Variants in STAT6 observed in about 807,000 individuals in gnomAD.
STAT6 encodes signal transducer and activator of transcription 6.
STAT6 carries 45 observed loss-of-function variants against 106.3 expected under a neutral mutation model. The observed-to-expected ratio is 0.42, with a 90% CI of 0.33 to 0.54. The LOEUF (loss-of-function observed/expected upper bound fraction) is 0.54, where lower values mean the gene tolerates loss of function less well. Among genes scored for constraint, STAT6 ranks in the 20% least tolerant of loss-of-function variants. The pLI is 0.06. For missense variants in STAT6, 797 were observed against 1,062.2 expected (o/e 0.75, Z 3.47); for synonymous variants, 413 against 413.6 (o/e 1.00, Z 0.02).
rs2033369143 is a variant in STAT6, at chr12:57,095,768, T to G, written c.*804A>C. 1 of 152,262 alleles carries G rather than the reference T, an allele frequency of 6.6e-6. No homozygotes were observed. Among genetic ancestry groups the G allele is most frequent in the African/African-American group, 2.4e-5 (1 of 41,466 alleles). The allele number at this position is 152,262 out of a possible 1,614,324, so 9.4% of individuals were successfully genotyped here. A position where few individuals can be genotyped will look rare whatever the true frequency, so the allele number is the denominator to read the frequency against. ...GGCCAGCACACTTGCTGCTGTCTTC[T>G]GTGCAGTGTCTCACCCTCCCAAATT... On this transcript the variant is annotated 3_prime_UTR_variant, in exon 22 of 22. Transcript: ENST00000300134.
rs1325025180 is a variant in STAT6 at position 57,106,464 on chromosome 12, G to A, written c.531+64C>T. On this transcript the variant is annotated intron_variant, in intron 6 of 21. Coordinates refer to ENST00000300134, the MANE Select transcript of STAT6 (RefSeq NM_003153.5). ...CTACTTCAGCCTGTGTCTTTCTGAG[G>A]TCTAGCTTCCATCCCTCCAGCTGCA... 6 of 1,610,020 alleles carry A rather than the reference G, an allele frequency of 3.7e-6. No individual in the cohort carries two copies. In the African/African-American group the frequency reaches 4.0e-5, roughly 11 times the overall value.
chr12:57,096,828 C>G lies in STAT6; in HGVS notation c.2354+22G>C, dbSNP rs576330506. 6.2e-6 allele frequency: 10 copies of G among 1,613,952 alleles called. No individual in the cohort carries two copies. The East Asian group carries it at 2.0e-4, about 32-fold the overall frequency. On this transcript the variant is annotated intron_variant, in intron 21 of 21. Coordinates refer to ENST00000300134, the MANE Select transcript of STAT6 (RefSeq NM_003153.5). ...CACTCCCCTAGATGCCACCCAGCCT[C>G]CACTCCCAAGCTGCCACTCACCAAG...
chr12:57,099,532 G>A lies in STAT6; in HGVS notation c.1745-92C>T, dbSNP rs570735756. 2.6e-6 allele frequency: 4 copies of A among 1,562,238 alleles called. No individual in the cohort carries two copies. Among genetic ancestry groups the A allele is most frequent in the Non-Finnish European group, 3.5e-6 (4 of 1,143,420 alleles). On this transcript the variant is annotated intron_variant, in intron 15 of 21. Transcript: ENST00000300134. The surrounding 1 kb of genome is among the most constrained non-coding windows in gnomAD (Gnocchi z 4.7). The stretch of plus-strand genomic sequence containing the variant: ...ATAAGACCTGTTCTCACTCCACCAA[G>A]GCAAGGGAGAGAGGACCTAGGGTGG...
chr12:57,103,074 C>T, intron 11 of STAT6, 153 bp from the exon 12 acceptor site: 2 of 549,946 alleles, frequency 3.6e-6, no homozygotes, highest in South Asian at 2.6e-5. Flanking sequence ...CAGCTCACTG[C>T]AGCCTCAGCC....
intron 13 of STAT6, among the ~76,000 whole-genome samples, chr12:57,100,682 AAGAAAGAAAGAAAGAAAG>A (rs1565684324): frequency 5.2e-4 from 35 of 66,734 alleles, no homozygotes; most frequent in African/African-American, 1.9e-3. Flanking sequence ...GAAAGAAAGA[AAGAAAGAAAGAAAGAAAG>A]AGAAAGAAAG....
At chr12:57,106,654 C>T (rs750721485) in intron 5 of STAT6, 39 bp downstream of exon 5, 5 of 1,613,456 alleles carry the variant, frequency 3.1e-6, no homozygotes, top group Non-Finnish European at 4.2e-6. Flanking sequence ...CAAGAGGCAA[C>T]CACTCCTACA....
intron 1 of STAT6, chr12:57,110,419 C>T (rs558212576): frequency 1.3e-5 from 2 of 152,248 alleles, no homozygotes; most frequent in Non-Finnish European, 2.9e-5. Flanking sequence ...GTCTGGGATC[C>T]TCGTCCGCCC....
rs1014699432 is a variant in STAT6, at chr12:57,099,897, G to T, written c.1614C>A (p.Ile538=). The T allele has an allele frequency of 1.9e-6, 3 of 1,614,142 alleles. No homozygotes were observed. Among genetic ancestry groups the T allele is most frequent in the Admixed American group, 3.3e-5 (2 of 60,014 alleles). The change falls in exon 15 of 22, where the codon ATC becomes ATA. Residue 538 remains isoleucine (I), a synonymous_variant. Coordinates refer to ENST00000300134, the MANE Select transcript of STAT6 (RefSeq NM_003153.5). This position sits in a 1 kb window ranked among gnomAD's most constrained non-coding sequence, Gnocchi z 4.7. ...CLRSYWSDRL[I]IGFISKQYVT... ...CGTACTGTTTGCTGATGAAGCCAAT[G>T]ATCAGCCTGGCCGGGATGAAGGAGA...
chr12:57,097,319 T>C, intron 19 of STAT6, 186 bp from the exon 20 acceptor site: 1 of 430,274 alleles, frequency 2.3e-6, no homozygotes. Context: ...GTTATGGGGG[T>C]GGATTAGCCA....
At chr12:57,101,820 G>A (rs1234165647) in intron 13 of STAT6, among the ~76,000 whole-genome samples, 9 of 150,534 alleles carry the variant, frequency 6.0e-5, no homozygotes, top group Non-Finnish European at 8.9e-5. Flanking sequence ...ATGTGCCACC[G>A]CAACTGGCTA....
intron 19 of STAT6, among the ~76,000 whole-genome samples, chr12:57,098,284 C>G (rs1188985507): frequency 6.6e-6 from 1 of 152,140 alleles, no homozygotes; most frequent in Non-Finnish European, 1.5e-5. Context: ...GATAAGGCAC[C>G]AAAGGCTAAG....
At position 57,106,683 on chromosome 12, in the gene STAT6, T is replaced by G. The variant is rs771715405; in HGVS notation, c.478+10A>C. ...TCCTACACACTCCCCAGAACCACCC[T>G]GGCCCCCACCTTGGCCAGCCTCAGC... On this transcript the variant is annotated intron_variant, in intron 5 of 21. Coordinates refer to ENST00000300134, the MANE Select transcript of STAT6 (RefSeq NM_003153.5). The G allele has an allele frequency of 8.7e-6, 14 of 1,613,922 alleles. No individual in the cohort carries two copies. Among genetic ancestry groups the G allele is most frequent in the African/African-American group, 1.3e-5 (1 of 74,888 alleles).
At chr12:57,110,929 T>C (rs1474939400) in intron 1 of STAT6, among the ~76,000 whole-genome samples, 200 bp downstream of exon 1, 1 of 148,270 alleles carries the variant, frequency 6.7e-6, no homozygotes, top group Non-Finnish European at 1.5e-5. Flanking sequence ...GGGAGGGGAG[T>C]ACTGAGGCCT....
rs1592548416 is a variant in STAT6, at chr12:57,099,327, G to A, written c.1858C>T (p.Pro620Ser). 1 of 1,614,170 alleles carries A rather than the reference G, an allele frequency of 6.2e-7. No individual in the cohort carries two copies. Among genetic ancestry groups the A allele is most frequent in the East Asian group, 2.2e-5 (1 of 44,886 alleles). The part of the protein sequence containing the change: ...AQLKNLYPKK[P>S]KDEAFRSHYK... The stretch of plus-strand genomic sequence containing the variant: ...TGGCTCCGGAAAGCCTCATCCTTGG[G>A]CTTCTTGGGATAGAGATTTTTGAGC... The change falls in exon 16 of 22, where the codon CCC becomes TCC. Residue 620 changes from proline to serine, a missense_variant. By Grantham distance (74) the Pro-to-Ser change is moderately conservative. Coordinates refer to ENST00000300134, the MANE Select transcript of STAT6 (RefSeq NM_003153.5). This position sits in a 1 kb window ranked among gnomAD's most constrained non-coding sequence, Gnocchi z 4.7.
At chr12:57,098,637 C>T in intron 18 of STAT6, 40 bp from the exon 19 acceptor site, 2 of 1,600,736 alleles carry the variant, frequency 1.2e-6, no homozygotes, top group Non-Finnish European at 1.7e-6. Context: ...CAGCCCTTCT[C>T]CTGGACACCA....
In STAT6 at chr12:57,105,609, G is replaced by C. The variant is rs1414260707; in HGVS notation, c.681-10C>G. On this transcript the variant is annotated splice_polypyrimidine_tract_variant and intron_variant, in intron 7 of 21. Transcript: ENST00000300134. ...CACCAGGCTTTCACACCTGGGGCCA[G>C]GACAGTGGTCAGGGGGCACAGGATT... 3 of 1,613,338 alleles carry C rather than the reference G, an allele frequency of 1.9e-6. No homozygotes were observed. Among genetic ancestry groups the C allele is most frequent in the East Asian group, 2.2e-5 (1 of 44,898 alleles).
rs2033411108 is a variant in STAT6, at chr12:57,096,223, C to A, written c.*349G>T. 1 of 238,128 alleles carries A rather than the reference C, an allele frequency of 4.2e-6. No homozygotes were observed. The highest frequency in any genetic ancestry group is 8.1e-6 in the Non-Finnish European group (1 of 123,948). 14.8% of individuals were successfully genotyped at this position (238,128 alleles called of 1,614,324 possible). Reference sequence around the variant, plus strand: ...TTCCATGCCCTAACCTGTGCTCTTACCCAGCCCCCCTCCTGCTCAGCCCCA... The same window carrying A: ...TTCCATGCCCTAACCTGTGCTCTTAACCAGCCCCCCTCCTGCTCAGCCCCA... On this transcript the variant is annotated 3_prime_UTR_variant, in exon 22 of 22. Coordinates refer to ENST00000300134, the MANE Select transcript of STAT6 (RefSeq NM_003153.5).
At position 57,099,101 on chromosome 12, in the gene STAT6, G is replaced by A. The variant is rs201243783; in HGVS notation, c.1892-23C>T. ...CAGCTGTTGTGAGAAGGAAAAGACA[G>A]CCATGGAGTGCTCTGGGGTTAGGGA... On this transcript the variant is annotated intron_variant, in intron 16 of 21. Transcript: ENST00000300134. The surrounding 1 kb of genome is among the most constrained non-coding windows in gnomAD (Gnocchi z 4.7). 5.5e-4 allele frequency: 895 copies of A among 1,613,930 alleles called. 2 individuals carry two copies. Among genetic ancestry groups the A allele is most frequent in the Non-Finnish European group, 6.7e-4 (796 of 1,179,952 alleles).
In STAT6 at chr12:57,107,403, A is replaced by G; in HGVS notation, c.256-89T>C. On this transcript the variant is annotated intron_variant, in intron 3 of 21. Coordinates refer to ENST00000300134, the MANE Select transcript of STAT6 (RefSeq NM_003153.5). ...TCCCCAGGCCTGCATTCACACATAT[A>G]CTATAAGGAAGCACAACTGTAGACT... is the stretch of plus-strand genomic sequence containing the variant. 3 of 1,375,992 alleles carry G rather than the reference A, an allele frequency of 2.2e-6. No homozygotes were observed. The South Asian group carries it at 3.6e-5, about 16-fold the overall frequency. The allele number at this position is 1,375,992 out of a possible 1,614,324, so 85.2% of individuals were successfully genotyped here. A position where few individuals can be genotyped will look rare whatever the true frequency, so the allele number is the denominator to read the frequency against.
Sources: gnomAD v4.1 joint callset for allele counts (sites outside exome capture counted in the v4.1 genomes callset) on GRCh38, gnomAD v4.1.1 for gene constraint, Gnocchi (gnomAD v3.1) non-coding constraint, MANE v1.5 for transcripts, NCBI Gene and HGNC (gene_info 2026-07-23, HGNC 2026-07-21) for gene names.